TXLNB: variants seen among roughly 807,000 people sequenced by gnomAD.
TXLNB encodes the protein beta-taxilin.
A neutral mutation model predicts 57.4 loss-of-function variants in TXLNB; 37 were observed. The ratio of observed to expected loss-of-function variants is 0.64; its 90% CI spans 0.50 to 0.85. The LOEUF (loss-of-function observed/expected upper bound fraction) is 0.85, where lower values mean the gene tolerates loss of function less well. Among genes scored for constraint, TXLNB ranks in the 40% least tolerant of loss-of-function variants. The pLI is 0.00. For missense variants in TXLNB, 848 were observed against 825.6 expected (o/e 1.03, Z -0.33); for synonymous variants, 302 against 309.6 (o/e 0.98, Z 0.26).
At chr6:139,230,958 T>A in the TXLNB span, among the ~76,000 whole-genome samples, 1 of 152,192 alleles carries the variant, frequency 6.6e-6, no homozygotes, top group Non-Finnish European at 1.5e-5. Flanking sequence ...CCATCACCCT[T>A]ACATAGGCTC....
the TXLNB span, among the ~76,000 whole-genome samples, chr6:139,320,090 A>G: frequency 6.6e-6 from 1 of 152,154 alleles, no homozygotes; most frequent in African/African-American, 2.4e-5. Context: ...AAGTTATTAA[A>G]ATCCAATGTG....
chr6:139,261,309 C>T (rs186831334), intron 5 of TXLNB, among the ~76,000 whole-genome samples: 9 of 152,220 alleles, frequency 5.9e-5, no homozygotes, highest in East Asian at 1.9e-4. Context: ...CATTCTGGAG[C>T]GGGATTGATC....
intron 7 of TXLNB, among the ~76,000 whole-genome samples, chr6:139,252,411 A>G (rs1387960914): frequency 1.3e-5 from 2 of 152,236 alleles, no homozygotes; most frequent in Admixed American, 6.5e-5. Context: ...GCTTGTTTAA[A>G]CATGATTACG....
chr6:139,279,775 G>C (rs1776996841), intron 2 of TXLNB, among the ~76,000 whole-genome samples: 1 of 152,190 alleles, frequency 6.6e-6, no homozygotes, highest in Non-Finnish European at 1.5e-5. Flanking sequence ...TCCCTAATGT[G>C]TTCTTCCAAA....
chr6:139,246,104 C>A (rs1376047663), intron 8 of TXLNB, among the ~76,000 whole-genome samples: 5 of 152,100 alleles, frequency 3.3e-5, no homozygotes, highest in African/African-American at 1.2e-4. Flanking sequence ...ATGGTAATTT[C>A]TAGAGAGTTC....
At chr6:139,263,442 T>G (rs1002951866) in intron 4 of TXLNB, among the ~76,000 whole-genome samples, 1 of 152,234 alleles carries the variant, frequency 6.6e-6, no homozygotes, top group Non-Finnish European at 1.5e-5. Context: ...ATAGGGTAAT[T>G]AAAATGTTCA....
chr6:139,220,843 G>A, the TXLNB span, among the ~76,000 whole-genome samples: 7 of 152,156 alleles, frequency 4.6e-5, no homozygotes, highest in Admixed American at 2.0e-4. Flanking sequence ...GAAACTCAGA[G>A]GAGCCGAAAT....
At chr6:139,202,284 T>C in the TXLNB span, among the ~76,000 whole-genome samples, 1 of 152,252 alleles carries the variant, frequency 6.6e-6, no homozygotes. Context: ...TCAGAAACCT[T>C]GATCAAATTT....
the TXLNB span, among the ~76,000 whole-genome samples, chr6:139,201,043 T>C: frequency 3.9e-5 from 6 of 152,210 alleles, no homozygotes. Flanking sequence ...TTGATTCTCT[T>C]TAAACCCAAC....
the TXLNB span, among the ~76,000 whole-genome samples, chr6:139,318,066 G>A: frequency 3.3e-5 from 5 of 151,894 alleles, no homozygotes; most frequent in Middle Eastern, 3.4e-3. Context: ...TCAGGAGATC[G>A]AGACCATCCT....
the TXLNB span, among the ~76,000 whole-genome samples, chr6:139,162,617 A>T: frequency 6.6e-6 from 1 of 152,238 alleles, no homozygotes; most frequent in African/African-American, 2.4e-5. Flanking sequence ...ATAGAGGTAG[A>T]CAAATTGGTT....
At chr6:139,316,962 G>T in the TXLNB span, among the ~76,000 whole-genome samples, 1 of 152,294 alleles carries the variant, frequency 6.6e-6, no homozygotes, top group South Asian at 2.1e-4. Context: ...GGAGAAAAGG[G>T]AATTGCAGAA....
At chr6:139,304,261 A>AAT in the TXLNB span, among the ~76,000 whole-genome samples, 1 of 152,230 alleles carries the variant, frequency 6.6e-6, no homozygotes, top group African/African-American at 2.4e-5. Context: ...TAATGCTATA[A>AAT]ATATATCAGT....
chr6:139,204,018 A>G, the TXLNB span, among the ~76,000 whole-genome samples: 217 of 152,204 alleles, frequency 1.4e-3, no homozygotes, highest in African/African-American at 5.1e-3. Flanking sequence ...GACATGTTAG[A>G]CAGCTTGCTG....
intron 6 of TXLNB, 41 bp from the exon 7 acceptor site, chr6:139,255,679 C>T: frequency 6.6e-7 from 1 of 1,523,708 alleles, no homozygotes; most frequent in Non-Finnish European, 9.1e-7. Flanking sequence ...GTCAGATTTG[C>T]CTTTTAGATT....
At chr6:139,180,544 C>T in the TXLNB span, 1 of 152,570 alleles carries the variant, frequency 6.6e-6, no homozygotes, top group Non-Finnish European at 1.5e-5. Context: ...ATCTCTATGT[C>T]CTGTTCACTG....
At chr6:139,270,778 G>A (rs77962001) in intron 3 of TXLNB, 152 bp from the exon 4 acceptor site, 9,621 of 673,454 alleles carry the variant, frequency 0.014, 95 homozygotes, top group East Asian at 0.024. Flanking sequence ...ATTCACAAAC[G>A]TCACCTTTGT....
At chr6:139,174,883 T>C in the TXLNB span, among the ~76,000 whole-genome samples, 2 of 152,210 alleles carry the variant, frequency 1.3e-5, no homozygotes, top group African/African-American at 4.8e-5. Context: ...GAATGGTTCC[T>C]TTAGTTTTCT....
the TXLNB span, among the ~76,000 whole-genome samples, chr6:139,200,642 T>C: frequency 6.6e-6 from 1 of 152,114 alleles, no homozygotes; most frequent in Non-Finnish European, 1.5e-5. Context: ...GACAGAGATT[T>C]GGGATGTAAA....
Sources: allele counts gnomAD v4.1 joint callset (sites outside exome capture counted in the v4.1 genomes callset), GRCh38; gene constraint gnomAD v4.1.1; transcripts MANE v1.5; gene names NCBI Gene and HGNC (gene_info 2026-07-23, HGNC 2026-07-21).